ASH2L: variants seen among roughly 807,000 people sequenced by gnomAD.
ASH2L encodes the protein set1/Ash2 histone methyltransferase complex subunit ASH2.
A neutral mutation model predicts 81.1 loss-of-function variants in ASH2L; 30 were observed. The ratio of observed to expected loss-of-function variants is 0.37; its 90% CI spans 0.28 to 0.50. The LOEUF is 0.50. Among genes scored for constraint, ASH2L ranks in the 20% least tolerant of loss-of-function variants. The pLI, the probability that ASH2L is intolerant of heterozygous loss-of-function variation, is 0.95. For synonymous variants in ASH2L, 273 were observed against 279.9 expected (o/e 0.98, Z 0.24); for missense variants, 559 against 792.1 (o/e 0.71, Z 3.53).
chr8:38,133,936 G>A (rs1802157540), intron 13 of ASH2L, among the ~76,000 whole-genome samples: 1 of 152,208 alleles, frequency 6.6e-6, no homozygotes, highest in South Asian at 2.1e-4. Flanking sequence ...TGTCTGTGTG[G>A]AAAGAGGTAG....
At chr8:38,106,900 A>G (rs935422809) in intron 2 of ASH2L, 121 bp from the exon 3 acceptor site, 7 of 1,158,372 alleles carry the variant, frequency 6.0e-6, no homozygotes, top group Non-Finnish European at 8.5e-6. Flanking sequence ...GGAGGCTGAG[A>G]CCTCAGGATC....
At chr8:38,132,510 G>T (rs1390120253) in intron 12 of ASH2L, among the ~76,000 whole-genome samples, 2 of 152,212 alleles carry the variant, frequency 1.3e-5, no homozygotes, top group Non-Finnish European at 2.9e-5. Flanking sequence ...TAGAATAAGG[G>T]ATTGTAGGCT....
Position 38,105,625 on chromosome 8 carries a change from A to C in ASH2L, c.75A>C (p.Thr25=), listed in dbSNP as rs745351462. 6.2e-7 allele frequency: 1 copy of C among 1,605,004 alleles called. No homozygotes were observed. Among genetic ancestry groups the C allele is most frequent in the South Asian group, 1.1e-5 (1 of 90,172 alleles). Residue 25 remains threonine (T), a synonymous_variant, in exon 1 of 16, where the codon ACA becomes ACC. Transcript: ENST00000343823. ...GPGPGAVANA[T]GAEEGEMKPV... ...GCCCAGGAGCGGTCGCAAATGCAAC[A>C]GGGGCAGAAGAGGGGGAGATGAAGC...
intron 5 of ASH2L, among the ~76,000 whole-genome samples, chr8:38,113,475 CTG>C (rs1810768780): frequency 6.6e-6 from 1 of 152,086 alleles, no homozygotes; most frequent in Non-Finnish European, 1.5e-5. Context: ...GGAGCTAACT[CTG>C]GTGGTGGTGC....
chr8:38,119,796 C>A (rs1811060732), intron 9 of ASH2L, among the ~76,000 whole-genome samples: 1 of 151,372 alleles, frequency 6.6e-6, no homozygotes, highest in African/African-American at 2.4e-5. Context: ...GAATGAGACT[C>A]CGTCTCAAAA....
intron 1 of ASH2L, 91 bp from the exon 2 acceptor site, chr8:38,106,287 G>T: frequency 7.2e-7 from 1 of 1,392,434 alleles, no homozygotes; most frequent in Admixed American, 1.7e-5. Context: ...GGAGTATGAA[G>T]TTCGGCTGTA....
intron 8 of ASH2L, chr8:38,117,622 T>A (rs1411814554): frequency 4.2e-6 from 1 of 237,898 alleles, no homozygotes; most frequent in South Asian, 1.6e-4. Flanking sequence ...GAAACAGTAG[T>A]TGAGTTTAAT....
intron 5 of ASH2L, among the ~76,000 whole-genome samples, chr8:38,111,734 G>A (rs1359850180): frequency 2.0e-5 from 3 of 152,062 alleles, no homozygotes; most frequent in African/African-American, 7.2e-5. Context: ...TTTGTTTTAT[G>A]TCCCCATATA....
Position 38,107,040 on chromosome 8 carries a change from C to G in ASH2L, c.275C>G (p.Ser92Ter). Residue 92 changes from serine to a stop codon, truncating the protein, a stop_gained, in exon 3 of 16, where the codon TCA becomes TGA. Coordinates refer to ENST00000343823, the MANE Select transcript of ASH2L (RefSeq NM_004674.5). LOFTEE classifies it high-confidence loss of function. ...KDTLEGAGDT[S>*]EVMDTQAGSV... ...ACACAGGAAGGTGCTGGGGATACAT[C>G]AGAGGTGATGGATACTCAGGCGGGC... 1 of 1,614,018 alleles carries G rather than the reference C, an allele frequency of 6.2e-7. No individual in the cohort carries two copies. The highest frequency in any genetic ancestry group is 8.5e-7 in the Non-Finnish European group (1 of 1,179,954).
At chr8:38,130,708 C>T (rs1337960284) in intron 12 of ASH2L, among the ~76,000 whole-genome samples, 2 of 152,050 alleles carry the variant, frequency 1.3e-5, no homozygotes, top group African/African-American at 4.8e-5. Flanking sequence ...AAGCTGTTCT[C>T]CAGCCTTAGC....
intron 14 of ASH2L, 48 bp from the exon 15 acceptor site, chr8:38,138,768 A>G: frequency 1.1e-5 from 18 of 1,568,304 alleles, no homozygotes; most frequent in Non-Finnish European, 1.5e-5. Flanking sequence ...CTTTTCCAAT[A>G]TTTTTTGTCC....
rs565698335 is a variant in ASH2L at position 38,135,211 on chromosome 8, A to G, written c.1621-457A>G. 1.1e-3 allele frequency among the ~76,000 whole-genome samples: 174 copies of G among 152,320 alleles called. 1 individual carries two copies. The highest frequency in any genetic ancestry group is 6.8e-3 in the Middle Eastern group (2 of 294). On this transcript the variant is annotated intron_variant, in intron 13 of 15. Coordinates refer to ENST00000343823, the MANE Select transcript of ASH2L (RefSeq NM_004674.5). Reference sequence around the variant, plus strand: ...AAATATAGAAATGTTTGGTATATGTAGCACAGGAATTCAGAAAACAAAGCC... The same window carrying G: ...AAATATAGAAATGTTTGGTATATGTGGCACAGGAATTCAGAAAACAAAGCC...
chr8:38,105,873 C>T, intron 1 of ASH2L, 135 bp downstream of exon 1: 1 of 1,440,326 alleles, frequency 6.9e-7, no homozygotes, highest in Non-Finnish European at 9.1e-7. Context: ...GCCTCTGCGC[C>T]GCTTGGCCCG....
In ASH2L at chr8:38,107,860, A is replaced by G. The variant is rs931393216; in HGVS notation, c.401+694A>G. 1.1e-4 allele frequency among the ~76,000 whole-genome samples: 15 copies of G among 136,942 alleles called. No individual in the cohort carries two copies. The Admixed American group carries it at 1.2e-3, about 11-fold the overall frequency. The allele number at this position is 136,942 out of a possible 152,430, so 89.8% of individuals were successfully genotyped here. On this transcript the variant is annotated intron_variant, in intron 3 of 15. Transcript: ENST00000343823. The stretch of plus-strand genomic sequence containing the variant: ...CCACCTTGGGTGAGATTGTGAAGAA[A>G]TACATATATGTGTGTGTGTGTGTGT...
intron 8 of ASH2L, chr8:38,117,464 T>G: frequency 1.0e-6 from 1 of 985,470 alleles, no homozygotes. Flanking sequence ...GGAGCCACTT[T>G]TGGAGGTGAA....
Position 38,120,801 on chromosome 8 carries a change from T to C in ASH2L, c.948-131T>C, listed in dbSNP as rs191474075. ...AAGAGGGCAGAGTTACTTATTTGAG[T>C]AATGAGAAGTATTTGCTGTGAAGTT... On this transcript the variant is annotated intron_variant, in intron 9 of 15. Transcript: ENST00000343823. 4.5e-4 allele frequency: 312 copies of C among 700,108 alleles called. 1 individual carries two copies. In the Admixed American group the frequency reaches 7.9e-3, roughly 18 times the overall value. The allele number at this position is 700,108 out of a possible 1,614,324, so 43.4% of individuals were successfully genotyped here.
chr8:38,131,215 C>T (rs1018000892), intron 12 of ASH2L, among the ~76,000 whole-genome samples: 1 of 152,144 alleles, frequency 6.6e-6, no homozygotes, highest in Non-Finnish European at 1.5e-5. Context: ...ATTGTACCAT[C>T]CTGCCTCCCG....
chr8:38,123,118 C>A (rs1434801953), intron 10 of ASH2L, among the ~76,000 whole-genome samples: 1 of 137,348 alleles, frequency 7.3e-6, no homozygotes, highest in Non-Finnish European at 1.5e-5. Flanking sequence ...GGAGTCTTGC[C>A]CTGTCACCCA....
intron 12 of ASH2L, among the ~76,000 whole-genome samples, chr8:38,131,876 T>TTTTTTTTTG (rs1802072844): frequency 6.6e-6 from 1 of 151,774 alleles, no homozygotes; most frequent in African/African-American, 2.4e-5. Context: ...AAACAGAGTC[T>TTTTTTTTTG]CATTCTGTCG....
Sources: gnomAD v4.1 joint callset for allele counts (sites outside exome capture counted in the v4.1 genomes callset) on GRCh38, gnomAD v4.1.1 for gene constraint, MANE v1.5 for transcripts, NCBI Gene and HGNC (gene_info 2026-07-23, HGNC 2026-07-21) for gene names.